SLC25A21: variants seen among roughly 807,000 people sequenced by gnomAD.
The protein encoded by SLC25A21 is mitochondrial 2-oxodicarboxylate carrier.
In SLC25A21, 47 loss-of-function variants were observed where a neutral mutation model predicts 43.8. The observed-to-expected ratio is 1.07, with a 90% CI of 0.85 to 1.37. The LOEUF (loss-of-function observed/expected upper bound fraction) is 1.37, where lower values mean the gene tolerates loss of function less well. Ranked by LOEUF, SLC25A21 falls within the 40% of genes most tolerant of loss-of-function variation. SLC25A21 has a pLI of 0.00. For missense variants in SLC25A21, 352 were observed against 350.2 expected (o/e 1.00, Z -0.04); for synonymous variants, 131 against 121.3 (o/e 1.08, Z -0.52).
intron 1 of SLC25A21, among the ~76,000 whole-genome samples, chr14:36,939,159 A>G (rs1002874063): frequency 3.9e-5 from 6 of 152,142 alleles, no homozygotes; most frequent in Admixed American, 3.3e-4. Flanking sequence ...TGTGTTTCCC[A>G]GCTAATTTGT....
chr14:36,951,333 G>A (rs1291642440), intron 1 of SLC25A21, among the ~76,000 whole-genome samples: 2 of 151,286 alleles, frequency 1.3e-5, no homozygotes, highest in Non-Finnish European at 2.9e-5. Context: ...AAAATAGAAA[G>A]AGAATGTTAA....
intron 2 of SLC25A21, among the ~76,000 whole-genome samples, chr14:36,844,682 T>C (rs1889489102): frequency 6.6e-6 from 1 of 152,200 alleles, no homozygotes; most frequent in East Asian, 1.9e-4. Context: ...GAGACCAGGC[T>C]GTGAACCATG....
At chr14:36,754,162 C>CATTTAAGTCAGG (rs1885834280) in intron 3 of SLC25A21, among the ~76,000 whole-genome samples, 1 of 152,096 alleles carries the variant, frequency 6.6e-6, no homozygotes, top group Admixed American at 6.6e-5. Flanking sequence ...GTGAGAGTAA[C>CATTTAAGTCAGG]ATTTAAGTCA....
intron 1 of SLC25A21, among the ~76,000 whole-genome samples, chr14:36,878,380 C>T (rs1466980233): frequency 1.3e-5 from 2 of 152,120 alleles, no homozygotes; most frequent in African/African-American, 4.8e-5. Context: ...AAATGCATTA[C>T]AGGCAGAGAG....
At chr14:36,914,924 C>A (rs1323419703) in intron 1 of SLC25A21, among the ~76,000 whole-genome samples, 6 of 151,674 alleles carry the variant, frequency 4.0e-5, no homozygotes, top group Admixed American at 2.0e-4. Context: ...ATAGTAGAGA[C>A]AAGGCATTTT....
intron 1 of SLC25A21, among the ~76,000 whole-genome samples, chr14:37,113,778 C>T (rs1043979395): frequency 9.9e-5 from 14 of 141,348 alleles, no homozygotes; most frequent in Non-Finnish European, 2.0e-4. Context: ...CACTTGAACC[C>T]GGGAGGTGGA....
At chr14:36,724,158 T>C (rs2139209939) in intron 6 of SLC25A21, among the ~76,000 whole-genome samples, 1 of 152,330 alleles carries the variant, frequency 6.6e-6, no homozygotes, top group Non-Finnish European at 1.5e-5. Flanking sequence ...TACAGAGATT[T>C]TCAACTTTTT....
chr14:37,118,110 G>A (rs982728188), intron 1 of SLC25A21, among the ~76,000 whole-genome samples: 3 of 152,022 alleles, frequency 2.0e-5, no homozygotes, highest in Non-Finnish European at 4.4e-5. Context: ...TTATACTAAC[G>A]TACAGATGTA....
intron 7 of SLC25A21, among the ~76,000 whole-genome samples, chr14:36,699,855 G>A (rs1014810870): frequency 3.3e-5 from 5 of 152,126 alleles, no homozygotes; most frequent in Non-Finnish European, 5.9e-5. Context: ...AGTCTGTCAC[G>A]GCTTCCCTTG....
chr14:36,734,367 T>A, intron 4 of SLC25A21, 140 bp downstream of exon 4: 1 of 556,492 alleles, frequency 1.8e-6, no homozygotes. Context: ...AGTCTAATTA[T>A]AATAAAAATT....
intron 1 of SLC25A21, among the ~76,000 whole-genome samples, chr14:36,971,950 T>C (rs776353256): frequency 6.6e-6 from 1 of 152,154 alleles, no homozygotes; most frequent in Non-Finnish European, 1.5e-5. Context: ...CAAATACTAT[T>C]GGGGATTACT....
intron 1 of SLC25A21, among the ~76,000 whole-genome samples, chr14:37,136,188 T>C (rs1391134750): frequency 2.0e-5 from 3 of 152,188 alleles, no homozygotes; most frequent in African/African-American, 7.2e-5. Flanking sequence ...GTAGTTATCT[T>C]AGTATGTGCT....
intron 1 of SLC25A21, among the ~76,000 whole-genome samples, chr14:37,010,570 A>G (rs1441309970): frequency 6.6e-6 from 1 of 152,188 alleles, no homozygotes; most frequent in Non-Finnish European, 1.5e-5. Flanking sequence ...GAGGCTTTGG[A>G]GAGAAGTGTG....
At chr14:36,880,390 C>T (rs936218304) in intron 1 of SLC25A21, among the ~76,000 whole-genome samples, 1 of 152,120 alleles carries the variant, frequency 6.6e-6, no homozygotes. Flanking sequence ...TAAACTACTG[C>T]GATTTGGGTT....
chr14:37,052,425 T>C (rs1053942314), intron 1 of SLC25A21, among the ~76,000 whole-genome samples: 6 of 152,286 alleles, frequency 3.9e-5, no homozygotes, highest in Admixed American at 1.3e-4. Context: ...GGCATAGAAA[T>C]TGATGACACA....
At chr14:36,912,298 G>A (rs1891708703) in intron 1 of SLC25A21, among the ~76,000 whole-genome samples, 1 of 152,076 alleles carries the variant, frequency 6.6e-6, no homozygotes, top group Non-Finnish European at 1.5e-5. Context: ...TGTTCTCCAC[G>A]GCCACCAGAT....
At chr14:36,764,057 AAAG>A (rs1886271068) in intron 3 of SLC25A21, among the ~76,000 whole-genome samples, 1 of 46,872 alleles carries the variant, frequency 2.1e-5, no homozygotes, top group African/African-American at 1.1e-4. Flanking sequence ...AGAAAGAAAG[AAAG>A]AAAGAAAGAA....
At chr14:36,937,407 G>A (rs1285107128) in intron 1 of SLC25A21, among the ~76,000 whole-genome samples, 1 of 152,142 alleles carries the variant, frequency 6.6e-6, no homozygotes, top group African/African-American at 2.4e-5. Context: ...ATATTCAAAC[G>A]TCAGTGACTG....
At chr14:37,024,517 T>G (rs559552821) in intron 1 of SLC25A21, among the ~76,000 whole-genome samples, 8 of 152,182 alleles carry the variant, frequency 5.3e-5, no homozygotes, top group Admixed American at 2.0e-4. Flanking sequence ...TTTCTCCACA[T>G]GAAGTCTGCG....
Sources: allele counts gnomAD v4.1 joint callset (sites outside exome capture counted in the v4.1 genomes callset), GRCh38; gene constraint gnomAD v4.1.1; transcripts MANE v1.5; gene names NCBI Gene and HGNC (gene_info 2026-07-23, HGNC 2026-07-21).